The following ADGRB3 variants were observed in gnomAD, a reference collection of about 807,000 sequenced individuals.
ADGRB3 encodes adhesion G protein-coupled receptor B3.
In ADGRB3, 37 loss-of-function variants were observed where a neutral mutation model predicts 193.4. The observed-to-expected ratio is 0.19, with a 90% CI of 0.15 to 0.25. ADGRB3 has a LOEUF of 0.25. Among genes scored for constraint, ADGRB3 ranks in the 10% least tolerant of loss-of-function variants. The probability of loss-of-function intolerance (pLI) is 1.00; values close to 1 mark genes in which losing one functional copy is unlikely to be tolerated. For synonymous variants in ADGRB3, 690 were observed against 644.2 expected, an observed-to-expected ratio of 1.07 and a Z score of -1.08; for missense variants, 1,637 against 1,852.9, an observed-to-expected ratio of 0.88 and a Z score of 2.14.
chr6:69,085,050 G>A (rs1772507322), intron 17 of ADGRB3, among the ~76,000 whole-genome samples: 1 of 152,058 alleles, frequency 6.6e-6, no homozygotes, highest in Non-Finnish European at 1.5e-5. Flanking sequence ...TATACTTTGG[G>A]AAGAATTTCC....
At chr6:69,229,163 C>T (rs1170111770) in intron 17 of ADGRB3, among the ~76,000 whole-genome samples, 1 of 152,054 alleles carries the variant, frequency 6.6e-6, no homozygotes, top group African/African-American at 2.4e-5. Context: ...ACAATGTTCT[C>T]AATATTTGCA....
At chr6:69,165,190 A>G (rs1340988278) in intron 17 of ADGRB3, among the ~76,000 whole-genome samples, 1 of 152,086 alleles carries the variant, frequency 6.6e-6, no homozygotes, top group Non-Finnish European at 1.5e-5. Flanking sequence ...ATCCTTTTGA[A>G]AATCTATTAA....
chr6:69,340,244 C>A (rs572961743), intron 26 of ADGRB3, among the ~76,000 whole-genome samples: 99 of 152,240 alleles, frequency 6.5e-4, no homozygotes, highest in African/African-American at 2.3e-3. Context: ...CCATCCAGGA[C>A]AGTGAGAGAT....
At chr6:68,706,754 A>T (rs1167559164) in intron 3 of ADGRB3, among the ~76,000 whole-genome samples, 6 of 152,260 alleles carry the variant, frequency 3.9e-5, no homozygotes, top group East Asian at 3.9e-4. Context: ...ATATGTAATA[A>T]TTTTTTTCCC....
Position 68,879,430 on chromosome 6 carries a change from G to A in ADGRB3, c.758-51129G>A, listed in dbSNP as rs554584509. ...TTTTTAGTAGAGACGGGGTTTCACC[G>A]TGTTAGCCAGGATGGTTTCGATCTC... On this transcript the variant is annotated intron_variant, in intron 3 of 31. Coordinates refer to ENST00000370598, the MANE Select transcript of ADGRB3 (RefSeq NM_001704.3). 4.6e-5 allele frequency among the ~76,000 whole-genome samples: 7 copies of A among 151,716 alleles called. No individual in the cohort carries two copies. The East Asian group carries it at 5.8e-4, about 13-fold the overall frequency.
intron 3 of ADGRB3, among the ~76,000 whole-genome samples, chr6:68,886,667 C>T (rs573274030): frequency 6.6e-6 from 1 of 151,930 alleles, no homozygotes; most frequent in Non-Finnish European, 1.5e-5. Flanking sequence ...AACTAAAGAG[C>T]AAAAATAATT....
In ADGRB3 at chr6:68,796,037, T is replaced by C. The variant is rs894442191; in HGVS notation, c.758-134522T>C. Among the ~76,000 whole-genome samples the C allele has an allele frequency of 3.9e-5, 6 of 152,260 alleles. No individual in the cohort carries two copies. The East Asian group carries it at 7.7e-4, about 20-fold the overall frequency. On this transcript the variant is annotated intron_variant, in intron 3 of 31. Coordinates refer to ENST00000370598, the MANE Select transcript of ADGRB3 (RefSeq NM_001704.3). ...ATGATAACCCTGTGCTTAAGAATCA[T>C]TGATGTGAAAGAACAAAAAAAGCTT...
intron 20 of ADGRB3, among the ~76,000 whole-genome samples, chr6:69,315,606 T>C (rs1320894519): frequency 1.3e-5 from 2 of 151,462 alleles, no homozygotes. Context: ...TTTAAAGAAC[T>C]GCCTTTGAAA....
chr6:69,041,878 C>T (rs975775627), intron 13 of ADGRB3, among the ~76,000 whole-genome samples: 5 of 152,172 alleles, frequency 3.3e-5, no homozygotes, highest in Non-Finnish European at 5.9e-5. Context: ...AGATGTGAGC[C>T]ACCATGCCTG....
chr6:68,969,262 G>T (rs1015673087), intron 8 of ADGRB3, among the ~76,000 whole-genome samples: 4 of 152,086 alleles, frequency 2.6e-5, no homozygotes, highest in Non-Finnish European at 5.9e-5. Context: ...AAGAGTTATT[G>T]GAGAATACAT....
intron 8 of ADGRB3, among the ~76,000 whole-genome samples, chr6:68,972,167 G>A (rs1308345736): frequency 6.6e-6 from 1 of 152,194 alleles, no homozygotes; most frequent in Non-Finnish European, 1.5e-5. Flanking sequence ...GAAGGAGTTA[G>A]CCCTACCTAG....
intron 17 of ADGRB3, among the ~76,000 whole-genome samples, chr6:69,160,026 A>T (rs969264815): frequency 2.2e-4 from 34 of 152,108 alleles, no homozygotes; most frequent in African/African-American, 8.0e-4. Context: ...TCCCTTCTTA[A>T]TACTTTCACT....
chr6:68,809,675 G>T (rs1208359538), intron 3 of ADGRB3, among the ~76,000 whole-genome samples: 3 of 152,098 alleles, frequency 2.0e-5, no homozygotes, highest in African/African-American at 7.2e-5. Flanking sequence ...TACTGATTTT[G>T]TATTTCCTTC....
At chr6:68,888,577 A>ACACACACAT (rs780228072) in intron 3 of ADGRB3, among the ~76,000 whole-genome samples, 2 of 151,760 alleles carry the variant, frequency 1.3e-5, no homozygotes, top group Non-Finnish European at 2.9e-5. Context: ...ACACACACAT[A>ACACACACAT]AAAAAAACTC....
chr6:69,067,234 G>A (rs889836366), intron 16 of ADGRB3, among the ~76,000 whole-genome samples: 2 of 152,084 alleles, frequency 1.3e-5, no homozygotes, highest in Admixed American at 1.3e-4. Flanking sequence ...TGAGATAAAT[G>A]CGTTATGTTT....
chr6:68,869,359 G>A (rs1340173170), intron 3 of ADGRB3, among the ~76,000 whole-genome samples: 1 of 152,044 alleles, frequency 6.6e-6, no homozygotes, highest in African/African-American at 2.4e-5. Flanking sequence ...TCTAAAATAA[G>A]AAATTCAAGG....
chr6:68,709,555 C>T (rs1224588253), intron 3 of ADGRB3, among the ~76,000 whole-genome samples: 1 of 152,078 alleles, frequency 6.6e-6, no homozygotes, highest in African/African-American at 2.4e-5. Flanking sequence ...GCTTCAGAAA[C>T]TTTCAGTGTT....
intron 8 of ADGRB3, among the ~76,000 whole-genome samples, chr6:68,966,233 A>C (rs573383057): frequency 2.0e-5 from 3 of 152,214 alleles, no homozygotes; most frequent in African/African-American, 7.2e-5. Flanking sequence ...TCTACATCCT[A>C]TGATTCTTCA....
intron 3 of ADGRB3, among the ~76,000 whole-genome samples, chr6:68,840,871 G>C (rs1202314721): frequency 6.6e-6 from 1 of 152,062 alleles, no homozygotes; most frequent in Admixed American, 6.5e-5. Flanking sequence ...CACTACACCT[G>C]TAATTAAACA....
Sources: allele counts gnomAD v4.1 joint callset (sites outside exome capture counted in the v4.1 genomes callset), GRCh38; gene constraint gnomAD v4.1.1; transcripts MANE v1.5; gene names NCBI Gene and HGNC (gene_info 2026-07-23, HGNC 2026-07-21).